Variants in RORA observed in about 807,000 individuals in gnomAD.
The protein encoded by RORA is nuclear receptor ROR-alpha.
Under a neutral mutation model 69.5 loss-of-function variants are expected in RORA, and 7 were observed. The observed-to-expected ratio is 0.10, with a 90% confidence interval of 0.06 to 0.19. RORA has a LOEUF of 0.19. Ranked by LOEUF, RORA falls within the 10% of genes least tolerant of loss-of-function variation. The pLI, the probability that RORA is intolerant of heterozygous loss-of-function variation, is 1.00. For synonymous variants in RORA, 261 were observed against 240.8 expected, an observed-to-expected ratio of 1.08 and a Z score of -0.78; for missense variants, 457 against 663.0, an observed-to-expected ratio of 0.69 and a Z score of 3.41.
chr15:61,009,194 C>G (rs1895014075), intron 1 of RORA, among the ~76,000 whole-genome samples: 1 of 152,192 alleles, frequency 6.6e-6, no homozygotes, highest in Non-Finnish European at 1.5e-5. Flanking sequence ...TTCTCCATCC[C>G]CTTCTTGGTC....
intron 1 of RORA, among the ~76,000 whole-genome samples, chr15:60,691,782 C>T (rs945014310): frequency 6.6e-6 from 1 of 152,222 alleles, no homozygotes; most frequent in South Asian, 2.1e-4. Flanking sequence ...GAGCTGAACA[C>T]AGGGCATGCA....
rs748475733 is a variant in RORA, at chr15:60,592,465, G to C, written c.197-60614C>G. 1.6e-5 allele frequency: 22 copies of C among 1,380,340 alleles called. No homozygotes were observed. In the African/African-American group the frequency reaches 3.0e-4, roughly 19 times the overall value. The allele number at this position is 1,380,340 out of a possible 1,614,324, so 85.5% of individuals were successfully genotyped here. A position where few individuals can be genotyped will look rare whatever the true frequency, so the allele number is the denominator to read the frequency against. ...CAGGGAGAGCGGATGGTCCGACCCC[G>C]GAGCCCCCTCTGCCGCCGCCGCGCC... On this transcript the variant is annotated intron_variant, in intron 2 of 10. Transcript: ENST00000335670.
chr15:60,796,636 CAT>C (rs753409172), intron 1 of RORA, among the ~76,000 whole-genome samples: 28 of 152,084 alleles, frequency 1.8e-4, no homozygotes, highest in Non-Finnish European at 3.4e-4. Context: ...ATAAATCAAA[CAT>C]AGAATTATCA....
At chr15:60,637,152 G>A (rs950541479) in intron 2 of RORA, among the ~76,000 whole-genome samples, 5 of 151,182 alleles carry the variant, frequency 3.3e-5, no homozygotes, top group Non-Finnish European at 7.4e-5. Context: ...AGTACCTATC[G>A]CCAAGAAAGC....
chr15:60,676,317 A>G (rs1403205378), intron 2 of RORA, among the ~76,000 whole-genome samples: 1 of 152,214 alleles, frequency 6.6e-6, no homozygotes, highest in Non-Finnish European at 1.5e-5. Context: ...AACAATCTCC[A>G]TGTTCAAGTG....
At chr15:60,999,481 T>G (rs2030619) in intron 1 of RORA, among the ~76,000 whole-genome samples, 29,614 of 152,168 alleles carry the variant, frequency 0.19, 3,245 homozygotes, top group African/African-American at 0.28. Flanking sequence ...TAAATTAGCT[T>G]GTATCCCCAT....
chr15:60,984,329 A>G (rs4775343), intron 1 of RORA, among the ~76,000 whole-genome samples: 32,377 of 151,956 alleles, frequency 0.21, 3,702 homozygotes, highest in African/African-American at 0.27. Context: ...TGCATTCTAC[A>G]TATATTTTTG....
At chr15:60,592,063 A>C (rs886176496) in intron 2 of RORA, among the ~76,000 whole-genome samples, 5 of 151,728 alleles carry the variant, frequency 3.3e-5, no homozygotes, top group African/African-American at 1.2e-4. Flanking sequence ...TTCCTTTCCG[A>C]AGCGCGGCGA....
intron 1 of RORA, among the ~76,000 whole-genome samples, chr15:61,200,470 G>A (rs182911601): frequency 1.4e-4 from 21 of 152,282 alleles, no homozygotes; most frequent in Admixed American, 1.4e-3. Context: ...CAAACTGCAG[G>A]AGATACCAAA....
chr15:60,592,145 G>T (rs1409028946), intron 2 of RORA, among the ~76,000 whole-genome samples: 1 of 152,100 alleles, frequency 6.6e-6, no homozygotes, highest in East Asian at 2.0e-4. Context: ...GGAGCCGGAG[G>T]GGGCAGCAGA....
intron 2 of RORA, among the ~76,000 whole-genome samples, chr15:60,542,028 G>T (rs1011259104): frequency 1.3e-5 from 2 of 152,200 alleles, no homozygotes; most frequent in Non-Finnish European, 1.5e-5. Context: ...TTGGCAATGT[G>T]TGTCTCTGTC....
At chr15:61,209,439 AC>A (rs1323702783) in intron 1 of RORA, among the ~76,000 whole-genome samples, 1 of 152,238 alleles carries the variant, frequency 6.6e-6, no homozygotes, top group Non-Finnish European at 1.5e-5. Flanking sequence ...CAAACAAATG[AC>A]AAAGCTAAAA....
chr15:60,880,164 A>G (rs779018515), intron 1 of RORA, among the ~76,000 whole-genome samples: 10 of 152,188 alleles, frequency 6.6e-5, no homozygotes, highest in Non-Finnish European at 1.3e-4. Context: ...TTCCAGGAAC[A>G]TTTAAGGATT....
chr15:60,516,195 ATTT>A (rs2065936154), intron 3 of RORA, among the ~76,000 whole-genome samples: 1 of 15,148 alleles, frequency 6.6e-5, no homozygotes, highest in African/African-American at 3.0e-4. Flanking sequence ...TTATATATAT[ATTT>A]ATATATATAT....
chr15:60,504,254 A>G (rs926829892), intron 6 of RORA, among the ~76,000 whole-genome samples: 9 of 151,370 alleles, frequency 5.9e-5, no homozygotes, highest in African/African-American at 2.2e-4. Flanking sequence ...TTTCATAAGA[A>G]TATTTTTTCT....
intron 1 of RORA, among the ~76,000 whole-genome samples, chr15:61,068,584 TGTATACAAGCAAAGCAGA>T (rs1566972774): frequency 1.3e-5 from 2 of 152,218 alleles, no homozygotes; most frequent in African/African-American, 4.8e-5. Flanking sequence ...GGCATCTAAA[TGTATACAAGCAAAGCAGA>T]GTAGGTGGTT....
At chr15:60,518,060 C>T (rs1350525703) in intron 3 of RORA, among the ~76,000 whole-genome samples, 7 of 152,276 alleles carry the variant, frequency 4.6e-5, no homozygotes, top group South Asian at 2.1e-4. Flanking sequence ...GGCAGGGTTT[C>T]GCTATGTTGC....
chr15:61,225,738 G>A (rs959551678), intron 1 of RORA, among the ~76,000 whole-genome samples: 5 of 152,224 alleles, frequency 3.3e-5, no homozygotes, highest in African/African-American at 9.6e-5. Flanking sequence ...ATATAATAAC[G>A]AGATTCTGAA....
intron 1 of RORA, among the ~76,000 whole-genome samples, chr15:61,121,691 T>G (rs1337185771): frequency 6.6e-6 from 1 of 151,954 alleles, no homozygotes; most frequent in Non-Finnish European, 1.5e-5. Context: ...CTCATATTCT[T>G]CATGAGCAGG....
Sources: allele counts gnomAD v4.1 joint callset (sites outside exome capture counted in the v4.1 genomes callset), GRCh38; gene constraint gnomAD v4.1.1; transcripts MANE v1.5; gene names NCBI Gene and HGNC (gene_info 2026-07-23, HGNC 2026-07-21).